The following MLYCD variants were observed in gnomAD, a reference collection of about 807,000 sequenced individuals.
MLYCD encodes malonyl-CoA decarboxylase, also known as malonyl-CoA decarboxylase, mitochondrial.
In MLYCD, 27 loss-of-function variants were observed where a neutral mutation model predicts 35.8. That is an observed-to-expected ratio of 0.75 (90% confidence interval 0.56 to 1.04). MLYCD has a LOEUF of 1.04. Among genes scored for constraint, MLYCD ranks in the 50% least tolerant of loss-of-function variants. The pLI, the probability that MLYCD is intolerant of heterozygous loss-of-function variation, is 0.00. For missense variants in MLYCD, 917 were observed against 665.1 expected (o/e 1.38, Z -4.17); for synonymous variants, 403 against 302.4 (o/e 1.33, Z -3.45).
chr16:83,914,939 C>G lies in MLYCD; in HGVS notation c.949-17C>G, dbSNP rs1321132347. 6.2e-7 allele frequency: 1 copy of G among 1,614,178 alleles called. No homozygotes were observed. Among genetic ancestry groups the G allele is most frequent in the South Asian group, 1.1e-5 (1 of 91,026 alleles). ...TGTTTTCTCCGCCTTCCTTTCCACC[C>G]CAACCATGCTTTACAGAGAGAGTTT... On this transcript the variant is annotated splice_polypyrimidine_tract_variant and intron_variant, in intron 4 of 4. Coordinates refer to ENST00000262430, the MANE Select transcript of MLYCD (RefSeq NM_012213.3).
rs769419261 is a variant in MLYCD, at chr16:83,899,373, G to T, written c.229G>T (p.Gly77Trp). ...CGCGGACTTCGTGAGCTTCTACGGTGGGCTGGCCGAGACGGCCCAGCGGGC... is the reference window on the plus strand; with the variant it reads ...CGCGGACTTCGTGAGCTTCTACGGTTGGCTGGCCGAGACGGCCCAGCGGGC... ...QCADFVSFYG[G>W]LAETAQRAEL... The change falls in exon 1 of 5, where the codon GGG becomes TGG. Residue 77 changes from glycine to tryptophan, a missense_variant. Coordinates refer to ENST00000262430, the MANE Select transcript of MLYCD (RefSeq NM_012213.3). 5.2e-6 allele frequency: 8 copies of T among 1,527,772 alleles called. 1 individual carries two copies. In the South Asian group the frequency reaches 9.6e-5, roughly 18 times the overall value. The allele number at this position is 1,527,772 out of a possible 1,614,324, so 94.6% of individuals were successfully genotyped here. A position where few individuals can be genotyped will look rare whatever the true frequency, so the allele number is the denominator to read the frequency against.
At chr16:83,899,815 C>G (rs1017231533) in intron 1 of MLYCD, 143 bp downstream of exon 1, 3 of 1,047,680 alleles carry the variant, frequency 2.9e-6, no homozygotes, top group African/African-American at 3.3e-5. Flanking sequence ...CGCCTGCCAA[C>G]TGTGTCCCCT....
chr16:83,908,303 G>A lies in MLYCD; in HGVS notation c.798+21G>A, dbSNP rs1404115959. On this transcript the variant is annotated intron_variant, in intron 3 of 4. Transcript: ENST00000262430. ...TCCAGGTACCTGCGATGGTCAATTC[G>A]GGACAAGATGGGCACCCCATAGAGC... 8.7e-6 allele frequency: 14 copies of A among 1,613,104 alleles called. No homozygotes were observed. The East Asian group carries it at 2.0e-4, about 23-fold the overall frequency.
At position 83,916,256 on chromosome 16, in the gene MLYCD, G is replaced by A. The variant is rs539238383; in HGVS notation, c.*767G>A. 25 of 965,300 alleles carry A rather than the reference G, an allele frequency of 2.6e-5. No homozygotes were observed. The African/African-American group carries it at 3.5e-4, about 14-fold the overall frequency. The allele number at this position is 965,300 out of a possible 1,614,324, so 59.8% of individuals were successfully genotyped here. A position where few individuals can be genotyped will look rare whatever the true frequency, so the allele number is the denominator to read the frequency against. On this transcript the variant is annotated 3_prime_UTR_variant, in exon 5 of 5. Coordinates refer to ENST00000262430, the MANE Select transcript of MLYCD (RefSeq NM_012213.3). The stretch of plus-strand genomic sequence containing the variant: ...GGCTGGAATCAGCCAGCCAGCCTAC[G>A]GGGAGTTTGGGATGAAGGAGCCTGG...
rs945305399 is a variant in MLYCD, at chr16:83,918,725, C to G, written c.*3236C>G. The G allele has an allele frequency of 6.7e-6, 1 of 149,010 alleles. No individual in the cohort carries two copies. Among genetic ancestry groups the G allele is most frequent in the African/African-American group, 2.5e-5 (1 of 40,104 alleles). The allele number at this position is 149,010 out of a possible 1,614,324, so 9.2% of individuals were successfully genotyped here. ...CAGTGCACAGGAGAAAACGCACACA[C>G]AGTGCACAGAACACAGTGCACAGGA... On this transcript the variant is annotated 3_prime_UTR_variant, in exon 5 of 5. Transcript: ENST00000262430.
intron 1 of MLYCD, 74 bp from the exon 2 acceptor site, chr16:83,906,913 G>A: frequency 4.7e-6 from 6 of 1,264,900 alleles, no homozygotes; most frequent in Non-Finnish European, 3.5e-6. Flanking sequence ...TTCATTCCTT[G>A]TGCTGACCAC....
chr16:83,910,811 C>T (rs748316911), intron 3 of MLYCD, among the ~76,000 whole-genome samples: 1 of 152,138 alleles, frequency 6.6e-6, no homozygotes, highest in Non-Finnish European at 1.5e-5. Context: ...TCTCGGGCCT[C>T]GGAGGATATG....
At position 83,899,735 on chromosome 16, in the gene MLYCD, C is replaced by T. The variant is rs1350423121; in HGVS notation, c.528+63C>T. The T allele has an allele frequency of 1.5e-5, 22 of 1,445,560 alleles. No individual in the cohort carries two copies. The East Asian group carries it at 5.0e-4, about 33-fold the overall frequency. The allele number at this position is 1,445,560 out of a possible 1,614,324, so 89.5% of individuals were successfully genotyped here. A position where few individuals can be genotyped will look rare whatever the true frequency, so the allele number is the denominator to read the frequency against. On this transcript the variant is annotated intron_variant, in intron 1 of 4. Coordinates refer to ENST00000262430, the MANE Select transcript of MLYCD (RefSeq NM_012213.3). Reference sequence around the variant, plus strand: ...GGCCGCCCTCCTCGAGTAGTCCTCACTTGCCCCCTCCAAGTCCCACACACC... The same window carrying T: ...GGCCGCCCTCCTCGAGTAGTCCTCATTTGCCCCCTCCAAGTCCCACACACC...
At chr16:83,909,124 G>A (rs1481859102) in intron 3 of MLYCD, among the ~76,000 whole-genome samples, 6 of 152,252 alleles carry the variant, frequency 3.9e-5, no homozygotes, top group Admixed American at 2.0e-4. Context: ...GTCACACTCC[G>A]ATGCCCTCTT....
In MLYCD at chr16:83,916,255, CG is replaced by C. The variant is rs1223898244; in HGVS notation, c.*770del. The C allele has an allele frequency of 2.1e-6, 2 of 972,784 alleles. No homozygotes were observed. The highest frequency in any genetic ancestry group is 2.4e-6 in the Non-Finnish European group (2 of 816,726). 60.3% of individuals were successfully genotyped at this position (972,784 alleles called of 1,614,324 possible). On this transcript the variant is annotated 3_prime_UTR_variant, in exon 5 of 5. Transcript: ENST00000262430. ...AGGCTGGAATCAGCCAGCCAGCCTA[CG>C]GGGAGTTTGGGATGAAGGAGCCTGG...
rs1907780382 is a variant in MLYCD, at chr16:83,925,577, C to G, written c.*10088C>G. The G allele has an allele frequency of 6.6e-6, 1 of 152,480 alleles. No individual in the cohort carries two copies. The allele number at this position is 152,480 out of a possible 1,614,324, so 9.4% of individuals were successfully genotyped here. On this transcript the variant is annotated 3_prime_UTR_variant, in exon 5 of 5. Coordinates refer to ENST00000262430, the MANE Select transcript of MLYCD (RefSeq NM_012213.3). The stretch of plus-strand genomic sequence containing the variant: ...GTTCCATCTCTCCTCTCCTTTCCTA[C>G]CTCCCACCATCCCCGTCACCCTCCC...
intron 1 of MLYCD, among the ~76,000 whole-genome samples, chr16:83,900,223 T>C (rs932949313): frequency 2.0e-5 from 3 of 152,174 alleles, no homozygotes; most frequent in Admixed American, 2.0e-4. Context: ...CCATGACTTT[T>C]GGGAGGGCAT....
In MLYCD at chr16:83,906,979, C is replaced by A. The variant is rs3815806; in HGVS notation, c.529-8C>A. 5 of 1,612,988 alleles carry A rather than the reference C, an allele frequency of 3.1e-6. No individual in the cohort carries two copies. The South Asian group carries it at 5.5e-5, about 18-fold the overall frequency. ...TTGGAGGCCTGGGATTTATCTTCTC[C>A]TTTTCAGGAAATGAATGGGGTGCTG... On this transcript the variant is annotated splice_polypyrimidine_tract_variant and splice_region_variant and intron_variant, in intron 1 of 4. Coordinates refer to ENST00000262430, the MANE Select transcript of MLYCD (RefSeq NM_012213.3).
chr16:83,901,306 G>A (rs761247598), intron 1 of MLYCD, among the ~76,000 whole-genome samples: 6 of 152,184 alleles, frequency 3.9e-5, no homozygotes, highest in African/African-American at 9.7e-5. Context: ...ATCCCCCCAT[G>A]TAAATGATCA....
Position 83,925,106 on chromosome 16 carries a change from T to C in MLYCD, c.*9617T>C, listed in dbSNP as rs1208658712. On this transcript the variant is annotated 3_prime_UTR_variant, in exon 5 of 5. Transcript: ENST00000262430. ...TGGCATCATTGTTAACAGAGCTTCT[T>C]TTCACTCTGAAGTGTTCAGTTAGGA... The C allele has an allele frequency of 6.6e-6, 1 of 152,344 alleles. No individual in the cohort carries two copies. Among genetic ancestry groups the C allele is most frequent in the Admixed American group, 6.5e-5 (1 of 15,286 alleles). 9.4% of individuals were successfully genotyped at this position (152,344 alleles called of 1,614,324 possible).
chr16:83,906,206 G>A (rs976693139), intron 1 of MLYCD, among the ~76,000 whole-genome samples: 26 of 152,118 alleles, frequency 1.7e-4, no homozygotes, highest in African/African-American at 6.0e-4. Context: ...GGGCAACGTG[G>A]CAAAACCCCA....
At chr16:83,908,032 C>G in intron 2 of MLYCD, 94 bp from the exon 3 acceptor site, 1 of 1,503,428 alleles carries the variant, frequency 6.7e-7, no homozygotes, top group Non-Finnish European at 9.2e-7. Flanking sequence ...ATTTAAAGAA[C>G]TTGTTTGACT....
intron 4 of MLYCD, chr16:83,914,186 A>G (rs1597294682): frequency 1.3e-5 from 2 of 152,546 alleles, no homozygotes; most frequent in Admixed American, 1.3e-4. Flanking sequence ...AGAAAGTAGC[A>G]GATTGTTTGA....
intron 3 of MLYCD, among the ~76,000 whole-genome samples, chr16:83,909,343 G>T (rs1567634518): frequency 6.6e-6 from 1 of 152,200 alleles, no homozygotes; most frequent in African/African-American, 2.4e-5. Context: ...CATCAGGAGA[G>T]AATGGGCTCC....
Sources: allele counts gnomAD v4.1 joint callset (sites outside exome capture counted in the v4.1 genomes callset), GRCh38; gene constraint gnomAD v4.1.1; transcripts MANE v1.5; gene names NCBI Gene and HGNC (gene_info 2026-07-23, HGNC 2026-07-21).